The following CTTNBP2 variants were observed in gnomAD, a reference collection of about 807,000 sequenced individuals.
CTTNBP2 encodes the protein cortactin-binding protein 2.
A neutral mutation model predicts 156.9 loss-of-function variants in CTTNBP2; 108 were observed. That is an observed-to-expected ratio of 0.69 (90% CI 0.59 to 0.81). The LOEUF (loss-of-function observed/expected upper bound fraction) is 0.81. CTTNBP2 is among the 30% of genes least tolerant of loss of function. The probability of loss-of-function intolerance (pLI) is 0.00; values close to 1 mark genes in which losing one functional copy is unlikely to be tolerated. For missense variants in CTTNBP2, 1,924 were observed against 2,035.4 expected, an observed-to-expected ratio of 0.95 and a Z score of 1.05; for synonymous variants, 767 against 751.8, an observed-to-expected ratio of 1.02 and a Z score of -0.33.
At position 117,767,149 on chromosome 7, in the gene CTTNBP2, C is replaced by T. The variant is rs369443324; in HGVS notation, c.2806G>A (p.Gly936Arg). The change falls in exon 9 of 23, where the codon GGA becomes AGA. Residue 936 changes from glycine (G) to arginine (R), a missense_variant. Transcript: ENST00000160373. ...KNCLEILCRH[G>R]GLEPERRDKC... is the part of the protein sequence containing the mutation. ...TCTCTCCTTTCTGGCTCAAGCCCTC[C>T]GTGCCTACACAAGATTTCTAGGCAG... 2.6e-5 allele frequency: 42 copies of T among 1,610,008 alleles called. No individual in the cohort carries two copies. The highest frequency in any genetic ancestry group is 1.7e-4 in the Middle Eastern group (1 of 6,052).
intron 7 of CTTNBP2, among the ~76,000 whole-genome samples, chr7:117,778,319 T>C (rs1343346223): frequency 6.6e-6 from 1 of 152,186 alleles, no homozygotes; most frequent in African/African-American, 2.4e-5. Context: ...TGAAGGTTTA[T>C]GGGCCCCTAT....
chr7:117,784,403 AG>A lies in CTTNBP2; in HGVS notation c.2119del (p.Leu707TrpfsTer54). 3.8e-6 allele frequency: 6 copies of A among 1,564,362 alleles called. No homozygotes were observed. Among genetic ancestry groups the A allele is most frequent in the Non-Finnish European group, 5.2e-6 (6 of 1,149,936 alleles). On this transcript the variant is annotated frameshift_variant, in exon 5 of 23. Coordinates refer to ENST00000160373, the MANE Select transcript of CTTNBP2 (RefSeq NM_033427.3). LOFTEE classifies it high-confidence loss of function. ...PLLMSGGPAP[L>X]AGRPTLLQQA... The stretch of plus-strand genomic sequence containing the variant: ...CTGAAGAAGGGTGGGCCTGCCAGCC[AG>A]GGGGGCAGGACCACCACTCATTAGC...
chr7:117,848,538 A>G (rs973545122), intron 2 of CTTNBP2, among the ~76,000 whole-genome samples: 1 of 152,246 alleles, frequency 6.6e-6, no homozygotes, highest in Non-Finnish European at 1.5e-5. Context: ...AGAGCCCAGT[A>G]TCAGGAAAAG....
At chr7:117,860,581 G>A (rs1803660075) in intron 2 of CTTNBP2, among the ~76,000 whole-genome samples, 1 of 152,064 alleles carries the variant, frequency 6.6e-6, no homozygotes, top group South Asian at 2.1e-4. Flanking sequence ...CTGACCTCAT[G>A]ATCCGCCCAC....
intron 2 of CTTNBP2, among the ~76,000 whole-genome samples, chr7:117,834,638 G>A (rs1018598902): frequency 2.0e-5 from 3 of 152,132 alleles, no homozygotes; most frequent in Non-Finnish European, 4.4e-5. Context: ...ATAAAGAAAA[G>A]AATATGTACC....
intron 9 of CTTNBP2, among the ~76,000 whole-genome samples, chr7:117,764,902 T>C (rs1797396376): frequency 6.6e-6 from 1 of 152,186 alleles, no homozygotes; most frequent in African/African-American, 2.4e-5. Flanking sequence ...ATCTTTGTTC[T>C]TCTTTGACAT....
intron 3 of CTTNBP2, among the ~76,000 whole-genome samples, chr7:117,796,676 A>C (rs1438947201): frequency 6.6e-6 from 1 of 152,216 alleles, no homozygotes. Context: ...TCAATTCATA[A>C]CACAACAGAC....
Position 117,728,217 on chromosome 7 carries a change from G to T in CTTNBP2, c.3927C>A (p.Asp1309Glu). The T allele has an allele frequency of 6.2e-7, 1 of 1,614,178 alleles. No homozygotes were observed. Among genetic ancestry groups the T allele is most frequent in the East Asian group, 2.2e-5 (1 of 44,886 alleles). The change falls in exon 17 of 23, where the codon GAC becomes GAA. Residue 1309 changes from aspartate to glutamate, a missense_variant. By Grantham distance (45) the Asp-to-Glu change is conservative. Coordinates refer to ENST00000160373, the MANE Select transcript of CTTNBP2 (RefSeq NM_033427.3). ...SPCDPVCKIV[D>E]WALSVWRQLN... is the part of the protein sequence containing the mutation. ...GCTGACGCCAGACGGACAGAGCCCA[G>T]TCGACAATCTTGCACACAGGATCGC... is the stretch of plus-strand genomic sequence containing the variant.
chr7:117,791,482 C>G lies in CTTNBP2; in HGVS notation c.1714G>C (p.Ala572Pro), dbSNP rs1006243136. ...QLKVIIDSSR[A>P]SNTGAKVDNK... ...TCAACTTTGGCCCCTGTGTTCGAGG[C>G]CCTGCTGCTGTCTATAATAACCTTG... The change falls in exon 4 of 23, where the codon GCC (alanine) becomes CCC (proline). Residue 572 changes from alanine (A) to proline (P), a missense_variant. Ala to Pro is a conservative substitution (Grantham distance 27). Coordinates refer to ENST00000160373, the MANE Select transcript of CTTNBP2 (RefSeq NM_033427.3). The G allele has an allele frequency of 6.8e-6, 11 of 1,614,156 alleles. No individual in the cohort carries two copies. Among genetic ancestry groups the G allele is most frequent in the African/African-American group, 1.3e-5 (1 of 75,034 alleles).
At chr7:117,781,309 A>G (rs1798422317) in intron 6 of CTTNBP2, among the ~76,000 whole-genome samples, 1 of 152,252 alleles carries the variant, frequency 6.6e-6, no homozygotes, top group South Asian at 2.1e-4. Flanking sequence ...ATCATAATCA[A>G]AGTAAGAAGC....
At position 117,846,623 on chromosome 7, in the gene CTTNBP2, TAAGAA is replaced by T. The variant is rs561348161; in HGVS notation, c.189+14581_189+14585del. Among the ~76,000 whole-genome samples, 301 of 152,200 alleles carry T rather than the reference TAAGAA, an allele frequency of 2.0e-3. 1 individual carries two copies. The highest frequency in any genetic ancestry group is 6.7e-3 in the African/African-American group (278 of 41,540). On this transcript the variant is annotated intron_variant, in intron 2 of 22. Transcript: ENST00000160373. ...TATCATATAATGCTATTTACACTGT[TAAGAA>T]AAGGATTAATGAAGAAACATTTGAA... is the stretch of plus-strand genomic sequence containing the variant.
intron 3 of CTTNBP2, among the ~76,000 whole-genome samples, chr7:117,799,596 A>T (rs1366884763): frequency 2.0e-5 from 3 of 152,126 alleles, no homozygotes; most frequent in African/African-American, 7.2e-5. Context: ...AAGACAATAA[A>T]GTCTACTTTC....
At chr7:117,847,461 G>A (rs1398343746) in intron 2 of CTTNBP2, among the ~76,000 whole-genome samples, 3 of 152,198 alleles carry the variant, frequency 2.0e-5, no homozygotes, top group Non-Finnish European at 4.4e-5. Flanking sequence ...GCTTAAATCA[G>A]GAGGCAGATG....
At position 117,724,165 on chromosome 7, in the gene CTTNBP2, T is replaced by C. The variant is rs138017398; in HGVS notation, c.4447+382A>G. Among the ~76,000 whole-genome samples the C allele has an allele frequency of 7.8e-3, 1,194 of 152,260 alleles. 25 individuals are homozygous for C. Among genetic ancestry groups the C allele is most frequent in the Non-Finnish European group, 7.5e-3 (509 of 68,022 alleles). On this transcript the variant is annotated intron_variant, in intron 19 of 22. Transcript: ENST00000160373. ...GCCTTAAATGGGTATCAAATATGTC[T>C]CTACACATATTTTTTTAATGTAAGA...
Position 117,792,176 on chromosome 7 carries a change from A to G in CTTNBP2, c.1020T>C (p.Asn340=). ...CACTGGTGCACACGCTCCCTTTTGC[A>G]TTTGCAGAAACTAGGGGACTCCCTG... The part of the protein sequence containing the change: ...PSTGSPLVSA[N]AKGSVCTSAT... Residue 340 remains asparagine, a synonymous_variant, in exon 4 of 23, where the codon AAT becomes AAC. Coordinates refer to ENST00000160373, the MANE Select transcript of CTTNBP2 (RefSeq NM_033427.3). The surrounding 1 kb of genome is among the most constrained non-coding windows in gnomAD (Gnocchi z 4.2). The G allele has an allele frequency of 6.2e-7, 1 of 1,614,128 alleles. No individual in the cohort carries two copies. Among genetic ancestry groups the G allele is most frequent in the South Asian group, 1.1e-5 (1 of 91,074 alleles).
At chr7:117,794,139 T>C (rs542547019) in intron 3 of CTTNBP2, among the ~76,000 whole-genome samples, 2 of 152,352 alleles carry the variant, frequency 1.3e-5, no homozygotes, top group African/African-American at 4.8e-5. Flanking sequence ...GTTCCACTGA[T>C]AACAATCAAC....
At chr7:117,784,230 A>G (rs1798578801) in intron 5 of CTTNBP2, 21 bp downstream of exon 5, 5 of 1,567,344 alleles carry the variant, frequency 3.2e-6, no homozygotes, top group African/African-American at 2.7e-5. Flanking sequence ...AGTGTGTGGT[A>G]TAAGATCTCG....
Position 117,724,535 on chromosome 7 carries a change from C to T in CTTNBP2, c.4447+12G>A. On this transcript the variant is annotated intron_variant, in intron 19 of 22. Transcript: ENST00000160373. ...CCTCCTGGTAGGCAACATGCCTACC[C>T]CCGCCCTTTACCTTCAGTGCTTAGG... 12 of 1,603,860 alleles carry T rather than the reference C, an allele frequency of 7.5e-6. No individual in the cohort carries two copies. The highest frequency in any genetic ancestry group is 9.4e-6 in the Non-Finnish European group (11 of 1,174,946).
chr7:117,818,633 A>G (rs1299615076), intron 2 of CTTNBP2, among the ~76,000 whole-genome samples: 1 of 152,184 alleles, frequency 6.6e-6, no homozygotes, highest in Non-Finnish European at 1.5e-5. Context: ...CAGGTGTCAG[A>G]ACTGGACTTC....
Sources: allele counts gnomAD v4.1 joint callset (sites outside exome capture counted in the v4.1 genomes callset), GRCh38; gene constraint gnomAD v4.1.1; non-coding constraint Gnocchi (gnomAD v3.1); transcripts MANE v1.5; gene names NCBI Gene and HGNC (gene_info 2026-07-23, HGNC 2026-07-21).